The following C5 variants were observed in gnomAD, a reference collection of about 807,000 sequenced individuals.
The protein encoded by C5 is C3 and PZP-like alpha-2-macroglobulin domain-containing protein 4.
C5 carries 140 observed loss-of-function variants against 218.8 expected under a neutral mutation model. That is an observed-to-expected ratio of 0.64 (90% confidence interval 0.56 to 0.74). The LOEUF (loss-of-function observed/expected upper bound fraction) is 0.74, where lower values mean the gene tolerates loss of function less well. C5 is among the 30% of genes least tolerant of loss of function. The pLI, the probability that C5 is intolerant of heterozygous loss-of-function variation, is 0.00. For missense variants in C5, 1,700 were observed against 1,969.6 expected (o/e 0.86, Z 2.59); for synonymous variants, 614 against 682.3 (o/e 0.90, Z 1.56).
Position 121,020,040 on chromosome 9 carries a change from T to C in C5, c.1442A>G (p.His481Arg). Residue 481 changes from histidine (H) to arginine (R), a missense_variant, in exon 12 of 41, where the codon CAT becomes CGT. By Grantham distance (29) the His-to-Arg change is conservative. Coordinates refer to ENST00000223642, the MANE Select transcript of C5 (RefSeq NM_001735.3). ...DNHKALLVGE[H>R]LNIIVTPKSP... ...TTTGGGGGTAACAATAATATTCAGA[T>C]GTTCTCCCACTAGCAAAGCCTTATG... 6.2e-7 allele frequency: 1 copy of C among 1,613,032 alleles called. No individual in the cohort carries two copies.
At chr9:121,027,715 A>G (rs959016496) in intron 7 of C5, among the ~76,000 whole-genome samples, 20 of 152,372 alleles carry the variant, frequency 1.3e-4, no homozygotes, top group African/African-American at 4.8e-4. Flanking sequence ...AAAGACTTAC[A>G]TGGTAGACCT....
intron 1 of C5, among the ~76,000 whole-genome samples, chr9:121,048,133 A>G (rs2047643349): frequency 6.6e-6 from 1 of 152,248 alleles, no homozygotes. Context: ...TGGAATTTAT[A>G]AAGAGTTTTG....
At chr9:120,990,010 GT>G (rs896950842) in intron 23 of C5, among the ~76,000 whole-genome samples, 30 of 152,004 alleles carry the variant, frequency 2.0e-4, no homozygotes, top group Non-Finnish European at 4.0e-4. Context: ...GGTAGGTAAT[GT>G]AATACAGTGG....
rs1162135071 is a variant in C5 at position 121,027,373 on chromosome 9, A to T, written c.759-99T>A. ...TGAAATTACGTAAAGCACTTGAGGC[A>T]CTTTAAAGTGTCTTTCATCCTAAGC... is the stretch of plus-strand genomic sequence containing the variant. On this transcript the variant is annotated intron_variant, in intron 7 of 40. Transcript: ENST00000223642. The T allele has an allele frequency of 5.6e-6, 4 of 714,732 alleles. No individual in the cohort carries two copies. The East Asian group carries it at 1.1e-4, about 19-fold the overall frequency. The allele number at this position is 714,732 out of a possible 1,614,324, so 44.3% of individuals were successfully genotyped here.
intron 34 of C5, 92 bp downstream of exon 34, chr9:120,963,544 T>C (rs1333071939): frequency 2.2e-6 from 2 of 904,154 alleles, no homozygotes; most frequent in East Asian, 5.3e-5. Flanking sequence ...ATAAAAGTGG[T>C]ATATTCAAAT....
Position 120,952,762 on chromosome 9 carries a change from C to T in C5, c.5008G>A (p.Asp1670Asn). The change falls in exon 41 of 41, where the codon GAT (aspartate) becomes AAT (asparagine). Residue 1670 changes from aspartate to asparagine, a missense_variant. Coordinates refer to ENST00000223642, the MANE Select transcript of C5 (RefSeq NM_001735.3). ...TTTTAGCATCCATTTAAAAAGATAT[C>T]TTCGGCAAATTCATCTAAATTAGCT... Reference protein sequence around the residue: ...FLANLDEFAEDIFLNGC With the variant: ...FLANLDEFAENIFLNGC The T allele has an allele frequency of 1.9e-6, 3 of 1,613,580 alleles. No homozygotes were observed. Among genetic ancestry groups the T allele is most frequent in the Non-Finnish European group, 2.5e-6 (3 of 1,179,824 alleles).
intron 20 of C5, among the ~76,000 whole-genome samples, chr9:121,003,117 C>T (rs2047185540): frequency 6.6e-6 from 1 of 151,932 alleles, no homozygotes. Flanking sequence ...ATGGTGAAAC[C>T]CTGTCTCTAC....
At chr9:121,043,700 CT>C (rs34794535) in intron 2 of C5, among the ~76,000 whole-genome samples, 2,204 of 120,646 alleles carry the variant, frequency 0.018, 26 homozygotes, top group African/African-American at 0.062. Context: ...GTCCAGCTAA[CT>C]TTTTTTTTTT....
At chr9:120,986,965 T>C (rs1418450069) in intron 25 of C5, among the ~76,000 whole-genome samples, 7 of 152,002 alleles carry the variant, frequency 4.6e-5, no homozygotes, top group Non-Finnish European at 1.0e-4. Context: ...TAAGGTATAA[T>C]CTATGGAACT....
At chr9:121,072,929 G>A in the C5 span, among the ~76,000 whole-genome samples, 3,747 of 151,856 alleles carry the variant, frequency 0.025, 151 homozygotes, top group African/African-American at 0.086. Flanking sequence ...CGTGTAAATA[G>A]TTGGGGAGAG....
At chr9:120,992,448 T>A (rs970539110) in intron 22 of C5, among the ~76,000 whole-genome samples, 1 of 152,182 alleles carries the variant, frequency 6.6e-6, no homozygotes, top group Non-Finnish European at 1.5e-5. Flanking sequence ...CCTCAAAGGA[T>A]TTTTGTGGGA....
At chr9:121,013,318 G>GGAA (rs775252391) in intron 17 of C5, among the ~76,000 whole-genome samples, 29 of 99,254 alleles carry the variant, frequency 2.9e-4, no homozygotes, top group African/African-American at 7.7e-4. Context: ...GATTCCTACT[G>GGAA]AAAAAAAAAA....
At chr9:121,055,984 A>C in the C5 span, among the ~76,000 whole-genome samples, 1 of 152,216 alleles carries the variant, frequency 6.6e-6, no homozygotes, top group Non-Finnish European at 1.5e-5. Context: ...CAAGTCTTAG[A>C]TACACCAAGG....
At chr9:120,994,539 C>T (rs1187009359) in intron 22 of C5, among the ~76,000 whole-genome samples, 2 of 151,770 alleles carry the variant, frequency 1.3e-5, no homozygotes, top group East Asian at 1.9e-4. Context: ...GCTGACATGG[C>T]GCCACTGCAC....
At chr9:120,966,020 C>T (rs977783081) in intron 33 of C5, among the ~76,000 whole-genome samples, 1 of 152,128 alleles carries the variant, frequency 6.6e-6, no homozygotes, top group Non-Finnish European at 1.5e-5. Context: ...GGTAAATACA[C>T]GAAAGAGACC....
At chr9:121,056,484 C>T in the C5 span, among the ~76,000 whole-genome samples, 2 of 152,200 alleles carry the variant, frequency 1.3e-5, no homozygotes, top group African/African-American at 2.4e-5. Context: ...TGTATGGCTA[C>T]ATTTCTTCCC....
chr9:120,992,583 G>C (rs1203507697), intron 22 of C5, among the ~76,000 whole-genome samples: 4 of 152,104 alleles, frequency 2.6e-5, no homozygotes, highest in African/African-American at 9.7e-5. Flanking sequence ...ACCTGCTCTT[G>C]ACTATTTCAA....
intron 20 of C5, among the ~76,000 whole-genome samples, chr9:121,000,874 C>G (rs1450504591): frequency 6.6e-6 from 1 of 152,140 alleles, no homozygotes; most frequent in Non-Finnish European, 1.5e-5. Context: ...CTGTTCCCTT[C>G]TTTGTGTCCA....
the C5 span, among the ~76,000 whole-genome samples, chr9:121,072,915 G>A: frequency 2.0e-5 from 3 of 151,904 alleles, no homozygotes; most frequent in African/African-American, 7.3e-5. Context: ...GCTTCGTTCT[G>A]TGTCGTGTAA....
Sources: allele counts gnomAD v4.1 joint callset (sites outside exome capture counted in the v4.1 genomes callset), GRCh38; gene constraint gnomAD v4.1.1; transcripts MANE v1.5; gene names NCBI Gene and HGNC (gene_info 2026-07-23, HGNC 2026-07-21).